ZBTB7C: variants seen among roughly 807,000 people sequenced by gnomAD.
The protein encoded by ZBTB7C is zinc finger and BTB domain containing 7C, also known as zinc finger and BTB domain-containing protein 7C.
A neutral mutation model predicts 25.7 loss-of-function variants in ZBTB7C; 8 were observed. That is an observed-to-expected ratio of 0.31 (90% CI 0.18 to 0.56). The LOEUF is 0.56. Among genes scored for constraint, ZBTB7C ranks in the 20% least tolerant of loss-of-function variants. The pLI is 0.91. For synonymous variants in ZBTB7C, 394 were observed against 369.0 expected (o/e 1.07, Z -0.78); for missense variants, 824 against 855.2 (o/e 0.96, Z 0.46).
intron 2 of ZBTB7C, among the ~76,000 whole-genome samples, chr18:48,249,529 C>T (rs1323456000): frequency 1.3e-5 from 2 of 152,182 alleles, no homozygotes; most frequent in East Asian, 1.9e-4. Context: ...ACAGACAACA[C>T]TCCCAGCATG....
At chr18:48,241,587 A>C (rs1387655202) in intron 2 of ZBTB7C, among the ~76,000 whole-genome samples, 1 of 152,234 alleles carries the variant, frequency 6.6e-6, no homozygotes, top group Non-Finnish European at 1.5e-5. Context: ...GAAATTAAAT[A>C]ATCTGCTCCT....
At chr18:48,252,016 C>T (rs2043874185) in intron 2 of ZBTB7C, 1 of 152,222 alleles carries the variant, frequency 6.6e-6, no homozygotes, top group Non-Finnish European at 1.5e-5. Flanking sequence ...AATGACACCA[C>T]TTGATTTGTT....
intron 2 of ZBTB7C, among the ~76,000 whole-genome samples, chr18:48,262,905 G>C (rs537745549): frequency 6.6e-6 from 1 of 152,214 alleles, no homozygotes; most frequent in East Asian, 1.9e-4. Context: ...CAAGAGCACT[G>C]GCTGGGCCTC....
At chr18:48,212,594 G>T (rs2042727512) in intron 2 of ZBTB7C, among the ~76,000 whole-genome samples, 1 of 151,894 alleles carries the variant, frequency 6.6e-6, no homozygotes, top group African/African-American at 2.4e-5. Flanking sequence ...GGGGGCAGGG[G>T]GTATAAGGGA....
intron 2 of ZBTB7C, among the ~76,000 whole-genome samples, chr18:48,186,563 C>T (rs1017222695): frequency 5.9e-5 from 9 of 152,190 alleles, no homozygotes; most frequent in South Asian, 2.1e-4. Flanking sequence ...CAGGCAGGAA[C>T]GTTCGGGGCG....
chr18:48,120,187 A>G (rs4378679), intron 3 of ZBTB7C, among the ~76,000 whole-genome samples: 97,125 of 151,954 alleles, frequency 0.64, 31,110 homozygotes, highest in South Asian at 0.7. Flanking sequence ...TGGAAGCAGC[A>G]GACTGACAGA....
At chr18:48,254,525 C>T (rs538748366) in intron 2 of ZBTB7C, among the ~76,000 whole-genome samples, 5 of 152,250 alleles carry the variant, frequency 3.3e-5, no homozygotes, top group East Asian at 1.9e-4. Flanking sequence ...TTCCCTTTTT[C>T]GGACACCTCT....
intron 2 of ZBTB7C, among the ~76,000 whole-genome samples, chr18:48,274,844 G>A (rs561434857): frequency 3.3e-5 from 5 of 152,184 alleles, no homozygotes; most frequent in Non-Finnish European, 5.9e-5. Context: ...CTCTCATGTC[G>A]GGGGTGTCTG....
chr18:48,068,231 C>T (rs1175721060), intron 3 of ZBTB7C, among the ~76,000 whole-genome samples: 2 of 151,352 alleles, frequency 1.3e-5, no homozygotes, highest in Admixed American at 6.6e-5. Context: ...CTCCGCCTCC[C>T]GGGTTCACAC....
chr18:48,173,525 C>A (rs749647966), intron 3 of ZBTB7C, among the ~76,000 whole-genome samples: 1 of 152,218 alleles, frequency 6.6e-6, no homozygotes, highest in Non-Finnish European at 1.5e-5. Flanking sequence ...TACGTCCCCC[C>A]TTCCCATCCA....
At chr18:48,041,434 A>G in intron 3 of ZBTB7C, 1 of 985,452 alleles carries the variant, frequency 1.0e-6, no homozygotes, top group Non-Finnish European at 1.2e-6. Flanking sequence ...GCCAACATGC[A>G]GTTGCAGAAT....
chr18:48,165,405 C>T, intron 3 of ZBTB7C: 1 of 341,394 alleles, frequency 2.9e-6, no homozygotes, highest in South Asian at 2.2e-5. Flanking sequence ...TGGCCCAAGT[C>T]CTCCTCTGTA....
intron 1 of ZBTB7C, among the ~76,000 whole-genome samples, chr18:48,383,526 A>T (rs2047678508): frequency 6.6e-6 from 1 of 152,184 alleles, no homozygotes; most frequent in Non-Finnish European, 1.5e-5. Context: ...TGAGCCTCCC[A>T]AAGTGCTGGG....
At chr18:48,304,314 TC>T (rs1449388709) in intron 2 of ZBTB7C, among the ~76,000 whole-genome samples, 1 of 152,142 alleles carries the variant, frequency 6.6e-6, no homozygotes, top group African/African-American at 2.4e-5. Flanking sequence ...ACCATCTAAA[TC>T]CACTTCAAGA....
At chr18:48,357,551 G>A (rs376260987) in intron 1 of ZBTB7C, among the ~76,000 whole-genome samples, 2 of 152,204 alleles carry the variant, frequency 1.3e-5, no homozygotes, top group African/African-American at 4.8e-5. Context: ...GGTGCCCCGG[G>A]CAGTGTAGGA....
intron 2 of ZBTB7C, among the ~76,000 whole-genome samples, chr18:48,293,326 C>G (rs887036434): frequency 1.3e-5 from 2 of 152,202 alleles, no homozygotes; most frequent in Non-Finnish European, 2.9e-5. Context: ...CATTCATGAG[C>G]ACCCTACCCT....
At chr18:48,204,166 T>C (rs2042523954) in intron 2 of ZBTB7C, among the ~76,000 whole-genome samples, 1 of 152,142 alleles carries the variant, frequency 6.6e-6, no homozygotes. Context: ...TCACACTGCT[T>C]GCGGTGGTGG....
intron 1 of ZBTB7C, among the ~76,000 whole-genome samples, chr18:48,345,490 A>C (rs8090349): frequency 0.17 from 26,458 of 151,268 alleles, 2,520 homozygotes; most frequent in African/African-American, 0.24. Context: ...CAAATGCCCA[A>C]CCCCCAAGGT....
chr18:48,207,840 C>T (rs966064760), intron 2 of ZBTB7C, among the ~76,000 whole-genome samples: 5 of 152,240 alleles, frequency 3.3e-5, no homozygotes, highest in Admixed American at 6.5e-5. Context: ...AACTGCTGTA[C>T]AATGATACAA....
Sources: allele counts gnomAD v4.1 joint callset (sites outside exome capture counted in the v4.1 genomes callset), GRCh38; gene constraint gnomAD v4.1.1; transcripts MANE v1.5; gene names NCBI Gene and HGNC (gene_info 2026-07-23, HGNC 2026-07-21).